PDE1C: variants seen among roughly 807,000 people sequenced by gnomAD.
PDE1C encodes the protein phosphodiesterase 1C.
Under a neutral mutation model 93.1 loss-of-function variants are expected in PDE1C, and 62 were observed. That is an observed-to-expected ratio of 0.67 (90% CI 0.54 to 0.82). PDE1C has a LOEUF of 0.82. PDE1C is among the 40% of genes least tolerant of loss of function. The pLI is 0.00. For missense variants in PDE1C, 742 were observed against 884.6 expected (o/e 0.84, Z 2.04); for synonymous variants, 325 against 310.1 (o/e 1.05, Z -0.50).
At chr7:31,998,875 C>T (rs1463682962) in intron 2 of PDE1C, among the ~76,000 whole-genome samples, 1 of 151,726 alleles carries the variant, frequency 6.6e-6, no homozygotes, top group African/African-American at 2.4e-5. Context: ...AGTTTAATTA[C>T]AGCTACTCTC....
rs1028417623 is a variant in PDE1C at position 31,823,076 on chromosome 7, T to C, written c.1579A>G (p.Lys527Glu). ...NRERWRAKVP[K>E]EEKAKKEAEE... ...GGACAGGTCTGTGGCATGTTACCTT[T>C]GGGTACCTTGGCCCTCCATCTCTCC... is the stretch of plus-strand genomic sequence containing the variant. The change falls in exon 14 of 18, where the codon AAA becomes GAA. Residue 527 changes from lysine to glutamate, a missense_variant. Lys to Glu is a moderately conservative substitution (Grantham distance 56). This residue lies in a region of PDE1C where 454 missense variants were observed against 459.4 expected (regional missense o/e 0.99). Coordinates refer to ENST00000396191, the MANE Select transcript of PDE1C (RefSeq NM_001191057.4). 4.4e-6 allele frequency: 7 copies of C among 1,608,982 alleles called. No homozygotes were observed. In the Admixed American group the frequency reaches 6.7e-5, roughly 15 times the overall value.
chr7:31,674,004 G>A, the PDE1C span, among the ~76,000 whole-genome samples: 3 of 152,124 alleles, frequency 2.0e-5, no homozygotes, highest in Admixed American at 1.3e-4. Flanking sequence ...CTTACTATGT[G>A]TGTATTTTTT....
At chr7:32,183,017 G>C (rs1803553657) in intron 2 of PDE1C, among the ~76,000 whole-genome samples, 1 of 152,100 alleles carries the variant, frequency 6.6e-6, no homozygotes, top group Non-Finnish European at 1.5e-5. Context: ...CAGACAAACA[G>C]AGAGCCAAAT....
At chr7:31,707,292 C>A in the PDE1C span, 3 of 1,608,348 alleles carry the variant, frequency 1.9e-6, no homozygotes, top group Non-Finnish European at 2.6e-6. Flanking sequence ...AAAGATAGTT[C>A]CCCTGAGACC....
At chr7:32,207,435 G>A (rs1805667801) in intron 2 of PDE1C, among the ~76,000 whole-genome samples, 3 of 151,570 alleles carry the variant, frequency 2.0e-5, no homozygotes, top group African/African-American at 4.8e-5. Context: ...ACACAATGAA[G>A]GTCAGTTTCA....
At chr7:31,626,593 T>C in the PDE1C span, among the ~76,000 whole-genome samples, 2 of 152,218 alleles carry the variant, frequency 1.3e-5, no homozygotes, top group African/African-American at 4.8e-5. Flanking sequence ...ATTTCTCTTC[T>C]GAATAGTTTT....
chr7:31,728,210 A>T, the PDE1C span, among the ~76,000 whole-genome samples: 1 of 152,144 alleles, frequency 6.6e-6, no homozygotes, highest in Non-Finnish European at 1.5e-5. Context: ...GCGGACAAGG[A>T]TCCTTCCTAA....
chr7:32,233,029 A>G (rs1396328412), intron 1 of PDE1C, among the ~76,000 whole-genome samples: 1 of 152,232 alleles, frequency 6.6e-6, no homozygotes, highest in Non-Finnish European at 1.5e-5. Flanking sequence ...AGAAAAATCA[A>G]TCTTAACATG....
intron 1 of PDE1C, among the ~76,000 whole-genome samples, chr7:32,425,567 C>T (rs78818464): frequency 0.013 from 1,987 of 152,154 alleles, 20 homozygotes; most frequent in Non-Finnish European, 0.018. Flanking sequence ...AAATCCAGAA[C>T]GAATCTAATT....
At chr7:31,734,528 G>A in the PDE1C span, among the ~76,000 whole-genome samples, 1 of 152,230 alleles carries the variant, frequency 6.6e-6, no homozygotes, top group South Asian at 2.1e-4. Context: ...GATTTCTGAG[G>A]GATATTTGTC....
intron 9 of PDE1C, among the ~76,000 whole-genome samples, chr7:31,843,762 A>C (rs1167516657): frequency 6.6e-6 from 1 of 151,568 alleles, no homozygotes; most frequent in Middle Eastern, 3.2e-3. Context: ...TTCCCTTTGC[A>C]TTAACTTTTC....
chr7:31,709,756 C>T, the PDE1C span, among the ~76,000 whole-genome samples: 3 of 152,040 alleles, frequency 2.0e-5, no homozygotes, highest in African/African-American at 7.2e-5. Flanking sequence ...CTTTTTCTGG[C>T]CAGGTAAAGT....
At chr7:32,127,861 ATACTC>A (rs1258677150) in intron 3 of PDE1C, among the ~76,000 whole-genome samples, 1 of 152,062 alleles carries the variant, frequency 6.6e-6, no homozygotes, top group African/African-American at 2.4e-5. Context: ...TATGTCAAAG[ATACTC>A]TAAGTTTTAC....
intron 3 of PDE1C, among the ~76,000 whole-genome samples, chr7:32,078,634 T>G (rs537965394): frequency 6.6e-6 from 1 of 152,166 alleles, no homozygotes; most frequent in Admixed American, 6.5e-5. Context: ...CGTATTAAAG[T>G]TTAGGCTTGG....
chr7:32,206,689 C>T (rs1348326055), intron 2 of PDE1C, among the ~76,000 whole-genome samples: 1 of 152,228 alleles, frequency 6.6e-6, no homozygotes, highest in Non-Finnish European at 1.5e-5. Flanking sequence ...GAGGTGCCCA[C>T]CATGCAGTAC....
intron 3 of PDE1C, among the ~76,000 whole-genome samples, chr7:32,108,873 T>C (rs1798491736): frequency 6.6e-6 from 1 of 152,216 alleles, no homozygotes; most frequent in African/African-American, 2.4e-5. Flanking sequence ...CTCAGTACAG[T>C]ATGCCAGCTA....
chr7:32,269,267 G>A (rs779102196), intron 1 of PDE1C, among the ~76,000 whole-genome samples: 1 of 152,132 alleles, frequency 6.6e-6, no homozygotes, highest in Non-Finnish European at 1.5e-5. Flanking sequence ...GGGGTGAGAT[G>A]CTGCATTTCT....
the PDE1C span, among the ~76,000 whole-genome samples, chr7:31,658,077 C>T: frequency 2.0e-5 from 3 of 152,118 alleles, no homozygotes; most frequent in Admixed American, 6.6e-5. Context: ...TCCTTGATTT[C>T]GTTATGCATG....
chr7:32,417,693 A>G (rs868353833), intron 1 of PDE1C, among the ~76,000 whole-genome samples: 1 of 145,446 alleles, frequency 6.9e-6, no homozygotes, highest in South Asian at 2.2e-4. Flanking sequence ...AAAAAATCAT[A>G]CTGTGCACAT....
Sources: gnomAD v4.1 joint callset for allele counts (sites outside exome capture counted in the v4.1 genomes callset) on GRCh38, gnomAD v4.1.1 for gene constraint, gnomAD v4.1.1 regional missense constraint, MANE v1.5 for transcripts, NCBI Gene and HGNC (gene_info 2026-07-23, HGNC 2026-07-21) for gene names.